Variants in UGT1A8 observed in about 807,000 individuals in gnomAD.
UGT1A8 encodes the protein UDP glucuronosyltransferase family 1 member A8.
UGT1A8 carries 39 observed loss-of-function variants against 45.3 expected under a neutral mutation model. That is an observed-to-expected ratio of 0.86 (90% CI 0.67 to 1.12). The LOEUF (loss-of-function observed/expected upper bound fraction) is 1.12. Ranked by LOEUF, UGT1A8 falls within the 50% of genes most tolerant of loss-of-function variation. The probability of loss-of-function intolerance (pLI) is 0.00; values close to 1 mark genes in which losing one functional copy is unlikely to be tolerated. For missense variants in UGT1A8, 719 were observed against 664.9 expected, an observed-to-expected ratio of 1.08 and a Z score of -0.90; for synonymous variants, 275 against 249.2, an observed-to-expected ratio of 1.10 and a Z score of -0.97.
intron 1 of UGT1A8, chr2:233,748,083 G>T (rs1025205090): frequency 2.2e-5 from 36 of 1,612,854 alleles, no homozygotes; most frequent in Non-Finnish European, 2.8e-5. Context: ...ATCTCAGGTC[G>T]GTGTTCGTGC....
intron 1 of UGT1A8, among the ~76,000 whole-genome samples, chr2:233,667,112 G>T (rs549701191): frequency 4.6e-5 from 7 of 152,036 alleles, no homozygotes; most frequent in African/African-American, 1.7e-4. Context: ...ATAAACATAC[G>T]TGTGCATGTG....
intron 1 of UGT1A8, among the ~76,000 whole-genome samples, chr2:233,757,571 A>G (rs112550375): frequency 3.9e-5 from 3 of 77,334 alleles, no homozygotes; most frequent in African/African-American, 1.8e-4. Flanking sequence ...TGTATATATG[A>G]TATAGCTATA....
intron 1 of UGT1A8, among the ~76,000 whole-genome samples, chr2:233,671,674 G>A (rs1296759173): frequency 6.6e-6 from 1 of 152,186 alleles, no homozygotes; most frequent in Non-Finnish European, 1.5e-5. Context: ...ACTTAACATT[G>A]CAGCACAGGG....
At chr2:233,637,363 A>T (rs1310820672) in intron 1 of UGT1A8, 1 of 1,613,236 alleles carries the variant, frequency 6.2e-7, no homozygotes, top group East Asian at 2.2e-5. Flanking sequence ...TCATCAGGGA[A>T]AGCCATTGCC....
At chr2:233,659,493 T>G (rs1382173915) in intron 1 of UGT1A8, among the ~76,000 whole-genome samples, 1 of 152,196 alleles carries the variant, frequency 6.6e-6, no homozygotes, top group Non-Finnish European at 1.5e-5. Context: ...AAAAATGTAT[T>G]AAGTATTCAT....
At chr2:233,730,096 A>G in intron 1 of UGT1A8, 1 of 1,590,372 alleles carries the variant, frequency 6.3e-7, no homozygotes, top group Non-Finnish European at 8.6e-7. Flanking sequence ...CTTTCCAAAT[A>G]TTTCATTTCT....
At chr2:233,652,330 T>C (rs2073761772) in intron 1 of UGT1A8, among the ~76,000 whole-genome samples, 1 of 152,262 alleles carries the variant, frequency 6.6e-6, no homozygotes, top group Non-Finnish European at 1.5e-5. Context: ...TGAGCACCCA[T>C]ATATCCATCT....
chr2:233,664,030 A>G (rs2074027906), intron 1 of UGT1A8, among the ~76,000 whole-genome samples: 1 of 152,198 alleles, frequency 6.6e-6, no homozygotes, highest in Non-Finnish European at 1.5e-5. Context: ...CTTCTGCCAG[A>G]TACCCTAGGT....
At chr2:233,683,557 T>C (rs1257532362) in intron 1 of UGT1A8, among the ~76,000 whole-genome samples, 4 of 152,214 alleles carry the variant, frequency 2.6e-5, no homozygotes, top group Non-Finnish European at 4.4e-5. Flanking sequence ...ATTGGCCTTC[T>C]TTTGCTATTA....
intron 1 of UGT1A8, among the ~76,000 whole-genome samples, chr2:233,631,263 C>A (rs1228783842): frequency 6.6e-6 from 1 of 152,068 alleles, no homozygotes; most frequent in Non-Finnish European, 1.5e-5. Context: ...GAGTTGGTTC[C>A]AAGTCTTTGC....
chr2:233,725,053 G>A (rs551262473), intron 1 of UGT1A8, among the ~76,000 whole-genome samples: 1,532 of 147,698 alleles, frequency 0.01, 141 homozygotes, highest in African/African-American at 0.035. Flanking sequence ...CAGGCGTGGC[G>A]GCGCGCGCCT....
chr2:233,650,877 T>C (rs754998368), intron 1 of UGT1A8, among the ~76,000 whole-genome samples: 1 of 152,238 alleles, frequency 6.6e-6, no homozygotes, highest in Non-Finnish European at 1.5e-5. Context: ...CATGAATTGT[T>C]TGATGATCCC....
chr2:233,629,435 A>G (rs2073148643), intron 1 of UGT1A8, among the ~76,000 whole-genome samples: 1 of 152,134 alleles, frequency 6.6e-6, no homozygotes, highest in Non-Finnish European at 1.5e-5. Context: ...TCTAATGTCA[A>G]ACCAGCCTTG....
intron 1 of UGT1A8, chr2:233,712,937 A>C: frequency 6.2e-6 from 10 of 1,612,352 alleles, no homozygotes; most frequent in East Asian, 4.5e-5. Context: ...GAAGGAAACA[A>C]TTCTAGGAGG....
intron 1 of UGT1A8, among the ~76,000 whole-genome samples, chr2:233,661,078 T>G (rs1205806494): frequency 6.6e-6 from 1 of 152,154 alleles, no homozygotes; most frequent in Non-Finnish European, 1.5e-5. Flanking sequence ...AAAGCTGCAT[T>G]TTTTATAATA....
intron 1 of UGT1A8, among the ~76,000 whole-genome samples, chr2:233,689,138 C>T (rs2074928590): frequency 6.6e-6 from 1 of 152,202 alleles, no homozygotes; most frequent in South Asian, 2.1e-4. Flanking sequence ...TTACAAGCCC[C>T]TGAAGGAAGT....
chr2:233,765,271 A>T (rs1304943144), intron 1 of UGT1A8, among the ~76,000 whole-genome samples: 1 of 152,224 alleles, frequency 6.6e-6, no homozygotes, highest in Admixed American at 6.5e-5. Flanking sequence ...TACCCAAAGA[A>T]ATATAAATTA....
In UGT1A8 at chr2:233,617,672, A is replaced by G. The variant is rs776306236; in HGVS notation, c.-36A>G. On this transcript the variant is annotated 5_prime_UTR_variant, in exon 1 of 5. Transcript: ENST00000373450. ...TCCGCCTACTGTATCATAGCAGCTT[A>G]GAATCCCAGCTGCTGGCTCGGGCTG... is the stretch of plus-strand genomic sequence containing the variant. 6.3e-7 allele frequency: 1 copy of G among 1,592,692 alleles called. No individual in the cohort carries two copies.
chr2:233,726,222 AT>A (rs1211816724), intron 1 of UGT1A8, among the ~76,000 whole-genome samples: 6 of 152,202 alleles, frequency 3.9e-5, no homozygotes, highest in Middle Eastern at 3.2e-3. Flanking sequence ...TTTAGAAAAC[AT>A]TTTTTAAAAC....
Sources: allele counts gnomAD v4.1 joint callset (sites outside exome capture counted in the v4.1 genomes callset), GRCh38; gene constraint gnomAD v4.1.1; transcripts MANE v1.5; gene names NCBI Gene and HGNC (gene_info 2026-07-23, HGNC 2026-07-21).